Variants in FER observed in about 807,000 individuals in gnomAD.
The protein encoded by FER is FER tyrosine kinase, also known as tyrosine-protein kinase Fer.
FER carries 63 observed loss-of-function variants against 111.0 expected under a neutral mutation model. That is an observed-to-expected ratio of 0.57 (90% CI 0.46 to 0.70). The LOEUF (loss-of-function observed/expected upper bound fraction) is 0.70. FER is among the 30% of genes least tolerant of loss of function. FER has a pLI of 0.00. For synonymous variants in FER, 327 were observed against 313.9 expected (o/e 1.04, Z -0.44); for missense variants, 914 against 954.0 (o/e 0.96, Z 0.55).
intron 17 of FER, among the ~76,000 whole-genome samples, chr5:109,118,943 G>GAA (rs1321264949): frequency 7.1e-6 from 1 of 140,206 alleles, no homozygotes; most frequent in Non-Finnish European, 1.6e-5. Context: ...TTGATCTTTT[G>GAA]AAAAAAAAAA....
chr5:108,779,099 A>G (rs1380827731), intron 2 of FER, among the ~76,000 whole-genome samples: 1 of 151,778 alleles, frequency 6.6e-6, no homozygotes, highest in Non-Finnish European at 1.5e-5. Flanking sequence ...TTTCTTTGTC[A>G]AAGATCAGTT....
At chr5:109,074,162 A>C (rs537812135) in intron 16 of FER, among the ~76,000 whole-genome samples, 1 of 152,282 alleles carries the variant, frequency 6.6e-6, no homozygotes, top group African/African-American at 2.4e-5. Flanking sequence ...AACATGTAGA[A>C]CTTCTTTGAT....
chr5:109,021,288 A>G (rs914342281), intron 13 of FER, among the ~76,000 whole-genome samples: 3 of 152,076 alleles, frequency 2.0e-5, no homozygotes, highest in African/African-American at 7.2e-5. Context: ...AACAGGGACT[A>G]TAATGTTGAC....
At chr5:109,028,600 C>T (rs1471679233) in intron 13 of FER, among the ~76,000 whole-genome samples, 4 of 152,148 alleles carry the variant, frequency 2.6e-5, no homozygotes, top group Admixed American at 6.6e-5. Flanking sequence ...TCTCTCAGAA[C>T]CTCAGAGTCC....
intron 1 of FER, among the ~76,000 whole-genome samples, chr5:108,762,516 C>T (rs545782784): frequency 2.0e-5 from 3 of 152,254 alleles, no homozygotes; most frequent in East Asian, 3.9e-4. Flanking sequence ...CCTTTTTAGA[C>T]GTAAGAGATC....
At position 109,035,257 on chromosome 5, in the gene FER, T is replaced by C. The variant is rs569584130; in HGVS notation, c.1657-2165T>C. Among the ~76,000 whole-genome samples, 11 of 152,150 alleles carry C rather than the reference T, an allele frequency of 7.2e-5. No individual in the cohort carries two copies. In the South Asian group the frequency reaches 8.3e-4, roughly 11 times the overall value. On this transcript the variant is annotated intron_variant, in intron 13 of 19. Coordinates refer to ENST00000281092, the MANE Select transcript of FER (RefSeq NM_005246.4). ...CATTTTGGCCAGGAGTTGAACATTT[T>C]TATAACCCCCCGCAAAGTTGCTTCT...
chr5:108,749,647 CG>C (rs1750233372), intron 1 of FER, among the ~76,000 whole-genome samples: 1 of 152,166 alleles, frequency 6.6e-6, no homozygotes, highest in African/African-American at 2.4e-5. Context: ...CTTTCTCCTC[CG>C]GTCTTGGCCA....
chr5:109,055,344 A>G (rs1311050606), intron 16 of FER, among the ~76,000 whole-genome samples: 1 of 152,250 alleles, frequency 6.6e-6, no homozygotes, highest in African/African-American at 2.4e-5. Flanking sequence ...GCTTCTGCAC[A>G]GCAAAGGAAA....
At chr5:108,933,040 G>A (rs1754919901) in intron 10 of FER, among the ~76,000 whole-genome samples, 1 of 151,928 alleles carries the variant, frequency 6.6e-6, no homozygotes, top group Admixed American at 6.6e-5. Context: ...CCATTTTGTA[G>A]GTTGCCTGTT....
At chr5:109,173,684 A>T (rs1049977939) in intron 17 of FER, among the ~76,000 whole-genome samples, 1 of 151,866 alleles carries the variant, frequency 6.6e-6, no homozygotes, top group Non-Finnish European at 1.5e-5. Flanking sequence ...ATCCCTTAAG[A>T]CTGTGATGTC....
intron 13 of FER, among the ~76,000 whole-genome samples, chr5:108,995,700 A>G (rs986489266): frequency 2.0e-5 from 3 of 152,114 alleles, no homozygotes; most frequent in Non-Finnish European, 2.9e-5. Context: ...AGTCTTTGCT[A>G]TTGTGAACAG....
intron 16 of FER, among the ~76,000 whole-genome samples, chr5:109,099,372 T>C (rs1747927679): frequency 1.3e-5 from 2 of 151,532 alleles, no homozygotes; most frequent in South Asian, 4.1e-4. Flanking sequence ...TTTAATTGAT[T>C]TAAATTAAAA....
chr5:108,864,962 T>G (rs1169080122), intron 5 of FER, among the ~76,000 whole-genome samples: 2 of 152,094 alleles, frequency 1.3e-5, no homozygotes, highest in Non-Finnish European at 2.9e-5. Context: ...ATGGCCATTT[T>G]CACGATATTG....
At chr5:108,827,116 C>T (rs1759554669) in intron 3 of FER, among the ~76,000 whole-genome samples, 1 of 152,142 alleles carries the variant, frequency 6.6e-6, no homozygotes, top group South Asian at 2.1e-4. Flanking sequence ...TTATTGGTCT[C>T]TTTGAATTTC....
intron 10 of FER, among the ~76,000 whole-genome samples, chr5:108,902,958 G>A (rs1581131131): frequency 6.6e-6 from 1 of 150,972 alleles, no homozygotes; most frequent in African/African-American, 2.4e-5. Context: ...TCTTTTTTTA[G>A]TTATCTAGTT....
rs1486282738 is a variant in FER, at chr5:108,845,067, T to TATATATATATATAC, written c.481+9261_481+9262insTATATATATATACA. 5.6e-5 allele frequency among the ~76,000 whole-genome samples: 3 copies of TATATATATATATAC among 53,886 alleles called. No homozygotes were observed. The Admixed American group carries it at 6.4e-4, about 11-fold the overall frequency. 35.4% of individuals were successfully genotyped at this position (53,886 alleles called of 152,430 possible). ...ATATATATATATATATATATATATA[T>TATATATATATATAC]ACACACACACACACACACACACACA... On this transcript the variant is annotated intron_variant, in intron 5 of 19. Transcript: ENST00000281092.
chr5:109,065,422 T>C (rs1168486477), intron 16 of FER, among the ~76,000 whole-genome samples: 3 of 152,220 alleles, frequency 2.0e-5, no homozygotes, highest in African/African-American at 7.2e-5. Context: ...GCCAAAGATA[T>C]TGTAATGCTA....
chr5:108,867,335 C>T (rs1764164595), intron 5 of FER, among the ~76,000 whole-genome samples: 1 of 152,054 alleles, frequency 6.6e-6, no homozygotes, highest in Non-Finnish European at 1.5e-5. Context: ...TAAGGTTTGT[C>T]TTCTCCACAA....
chr5:109,048,436 A>T (rs2047719798), intron 16 of FER, among the ~76,000 whole-genome samples: 1 of 152,152 alleles, frequency 6.6e-6, no homozygotes, highest in Admixed American at 6.5e-5. Flanking sequence ...AACGCCACTG[A>T]AAAACTCAGA....
Sources: gnomAD v4.1 joint callset for allele counts (sites outside exome capture counted in the v4.1 genomes callset) on GRCh38, gnomAD v4.1.1 for gene constraint, MANE v1.5 for transcripts, NCBI Gene and HGNC (gene_info 2026-07-23, HGNC 2026-07-21) for gene names.